The following LANCL1 variants were observed in gnomAD, a reference collection of about 807,000 sequenced individuals.
The protein encoded by LANCL1 is glutathione S-transferase LANCL1.
LANCL1 carries 50 observed loss-of-function variants against 50.6 expected under a neutral mutation model. The ratio of observed to expected loss-of-function variants is 0.99; its 90% CI spans 0.79 to 1.25. LANCL1 has a LOEUF of 1.25. Ranked by LOEUF, LANCL1 falls within the 50% of genes most tolerant of loss-of-function variation. The pLI, the probability that LANCL1 is intolerant of heterozygous loss-of-function variation, is 0.00. For missense variants in LANCL1, 532 were observed against 480.7 expected, an observed-to-expected ratio of 1.11 and a Z score of -1.00; for synonymous variants, 188 against 178.6, an observed-to-expected ratio of 1.05 and a Z score of -0.42.
chr2:210,461,484 A>AT (rs1693858098), intron 3 of LANCL1, among the ~76,000 whole-genome samples: 1 of 152,166 alleles, frequency 6.6e-6, no homozygotes, highest in Non-Finnish European at 1.5e-5. Flanking sequence ...GCAGTAACTA[A>AT]TACCCACATG....
Position 210,437,784 on chromosome 2 carries a change from T to A in LANCL1, c.779A>T (p.Asn260Ile), listed in dbSNP as rs55953221. 7.4e-6 allele frequency: 12 copies of A among 1,613,368 alleles called. No homozygotes were observed. The highest frequency in any genetic ancestry group is 1.3e-5 in the African/African-American group (1 of 74,884). ...ATTATCACCTATACATGGAGGGTAA[T>A]TGCCAGAAGGGAATTTCAGCTGGCA... Reference protein sequence around the residue: ...YVCQLKFPSGNYPPCIGDNRD... With the variant: ...YVCQLKFPSGIYPPCIGDNRD... The change falls in exon 7 of 10, where the codon AAT (asparagine) becomes ATT (isoleucine). Residue 260 changes from asparagine to isoleucine, a missense_variant. Coordinates refer to ENST00000450366, the MANE Select transcript of LANCL1 (RefSeq NM_006055.3).
intron 4 of LANCL1, among the ~76,000 whole-genome samples, chr2:210,452,481 T>C (rs1206251396): frequency 6.6e-6 from 1 of 152,124 alleles, no homozygotes; most frequent in Non-Finnish European, 1.5e-5. Flanking sequence ...ATTAATGCAA[T>C]GTATTGTCCT....
At chr2:210,454,102 G>A (rs1341035669) in intron 4 of LANCL1, among the ~76,000 whole-genome samples, 2 of 152,038 alleles carry the variant, frequency 1.3e-5, no homozygotes, top group African/African-American at 4.8e-5. Context: ...ATCATTTTGG[G>A]TGGAGCAAGA....
intron 3 of LANCL1, among the ~76,000 whole-genome samples, chr2:210,466,154 C>G (rs1392104064): frequency 6.6e-6 from 1 of 152,076 alleles, no homozygotes; most frequent in Non-Finnish European, 1.5e-5. Context: ...TAGGGACTGC[C>G]TTTTAAAGTT....
At chr2:210,469,776 A>C (rs988873829) in intron 3 of LANCL1, among the ~76,000 whole-genome samples, 3 of 152,202 alleles carry the variant, frequency 2.0e-5, no homozygotes, top group Non-Finnish European at 4.4e-5. Flanking sequence ...TGGGTTCTCA[A>C]CTAGCCCTAG....
chr2:210,476,333 A>G lies in LANCL1; in HGVS notation c.64T>C (p.Phe22Leu). Residue 22 changes from phenylalanine (F) to leucine (L), a missense_variant, in exon 2 of 10, where the codon TTT (phenylalanine) becomes CTT (leucine). Phe to Leu is a conservative substitution (Grantham distance 22, BLOSUM62 0). Transcript: ENST00000450366. The stretch of plus-strand genomic sequence containing the variant: ...AAACTCACCCTCCCGGCAGCATCAA[A>G]GTAGCCTTCGGCCAGGGATTTGTTA... Reference protein sequence around the residue: ...DYNKSLAEGYFDAAGRLTPEF... With the variant: ...DYNKSLAEGYLDAAGRLTPEF... 1 of 1,613,886 alleles carries G rather than the reference A, an allele frequency of 6.2e-7. No individual in the cohort carries two copies. The highest frequency in any genetic ancestry group is 8.5e-7 in the Non-Finnish European group (1 of 1,179,788).
In LANCL1 at chr2:210,431,918, CAT is replaced by C. The variant is rs1227737985; in HGVS notation, c.*2567_*2568del. The C allele has an allele frequency of 2.0e-5, 3 of 152,164 alleles. No individual in the cohort carries two copies. The highest frequency in any genetic ancestry group is 4.8e-5 in the African/African-American group (2 of 41,436). The allele number at this position is 152,164 out of a possible 1,614,324, so 9.4% of individuals were successfully genotyped here. A position where few individuals can be genotyped will look rare whatever the true frequency, so the allele number is the denominator to read the frequency against. ...TTCTAAATTACTATAGAAACAGAAACATGTGACAGGATAAATGAACACTGCTT... is the reference window on the plus strand; with the variant it reads ...TTCTAAATTACTATAGAAACAGAAACGTGACAGGATAAATGAACACTGCTT... On this transcript the variant is annotated 3_prime_UTR_variant, in exon 10 of 10. Coordinates refer to ENST00000450366, the MANE Select transcript of LANCL1 (RefSeq NM_006055.3).
intron 6 of LANCL1, among the ~76,000 whole-genome samples, chr2:210,438,653 G>T (rs577592448): frequency 6.6e-6 from 1 of 152,220 alleles, no homozygotes; most frequent in East Asian, 1.9e-4. Context: ...ATAGAAAAAG[G>T]ATACTAACAA....
At chr2:210,467,036 C>T (rs4263061) in intron 3 of LANCL1, among the ~76,000 whole-genome samples, 2,520 of 152,188 alleles carry the variant, frequency 0.017, 55 homozygotes, top group Middle Eastern at 0.055. Flanking sequence ...GAGGAATTAA[C>T]AGAAAGCAAC....
At chr2:210,454,221 C>CAT (rs1416848558) in intron 4 of LANCL1, among the ~76,000 whole-genome samples, 1 of 1,204 alleles carries the variant, frequency 8.3e-4, no homozygotes, top group Non-Finnish European at 1.3e-3. Flanking sequence ...TGCATACATA[C>CAT]ACACACACAC....
rs752147772 is a variant in LANCL1, at chr2:210,437,763, T to C, written c.800A>G (p.Asp267Gly). The change falls in exon 7 of 10, where the codon GAT becomes GGT. Residue 267 changes from aspartate to glycine, a missense_variant. Asp to Gly is a moderately conservative substitution (Grantham distance 94). Coordinates refer to ENST00000450366, the MANE Select transcript of LANCL1 (RefSeq NM_006055.3). Reference sequence around the variant, plus strand: ...CCAATGGACAAGCAGATCTCGATTATCACCTATACATGGAGGGTAATTGCC... The same window carrying C: ...CCAATGGACAAGCAGATCTCGATTACCACCTATACATGGAGGGTAATTGCC... ...PSGNYPPCIG[D>G]NRDLLVHWCH... The C allele has an allele frequency of 2.4e-5, 38 of 1,612,788 alleles. No homozygotes were observed. The Admixed American group carries it at 5.0e-4, about 21-fold the overall frequency.
intron 3 of LANCL1, among the ~76,000 whole-genome samples, chr2:210,463,974 T>C (rs1693958238): frequency 6.6e-6 from 1 of 152,212 alleles, no homozygotes; most frequent in Admixed American, 6.5e-5. Context: ...AACCAATCTC[T>C]TCACTATTTC....
chr2:210,434,432 G>C lies in LANCL1; in HGVS notation c.*55C>G. ...GAAAGCAACGGAAGCACTTAGCTTG[G>C]GTTTGAATATACAGAAAGGGTCATG... is the stretch of plus-strand genomic sequence containing the variant. On this transcript the variant is annotated 3_prime_UTR_variant, in exon 10 of 10. Coordinates refer to ENST00000450366, the MANE Select transcript of LANCL1 (RefSeq NM_006055.3). 7.3e-7 allele frequency: 1 copy of C among 1,372,402 alleles called. No homozygotes were observed. Among genetic ancestry groups the C allele is most frequent in the Non-Finnish European group, 1.0e-6 (1 of 974,230 alleles). 85.0% of individuals were successfully genotyped at this position (1,372,402 alleles called of 1,614,324 possible). A position where few individuals can be genotyped will look rare whatever the true frequency, so the allele number is the denominator to read the frequency against.
chr2:210,440,164 T>C (rs972376375), intron 6 of LANCL1, among the ~76,000 whole-genome samples: 1 of 152,214 alleles, frequency 6.6e-6, no homozygotes, highest in African/African-American at 2.4e-5. Context: ...TAAGTGAGCA[T>C]TAGGCAACAA....
intron 3 of LANCL1, among the ~76,000 whole-genome samples, chr2:210,458,211 C>T (rs1693726245): frequency 6.6e-6 from 1 of 152,084 alleles, no homozygotes; most frequent in Non-Finnish European, 1.5e-5. Flanking sequence ...CCATGGATTG[C>T]CTACTTACAT....
At chr2:210,465,537 C>G (rs1174408800) in intron 3 of LANCL1, among the ~76,000 whole-genome samples, 1 of 152,168 alleles carries the variant, frequency 6.6e-6, no homozygotes, top group Non-Finnish European at 1.5e-5. Context: ...GCAGCAGGCA[C>G]AAAAACCTTG....
intron 3 of LANCL1, among the ~76,000 whole-genome samples, chr2:210,461,825 T>C (rs1390446230): frequency 3.3e-5 from 5 of 152,114 alleles, no homozygotes; most frequent in African/African-American, 1.2e-4. Context: ...AAAAATGAAA[T>C]AAGGGCTAGC....
At chr2:210,470,143 T>C (rs1314234947) in intron 3 of LANCL1, among the ~76,000 whole-genome samples, 3 of 152,324 alleles carry the variant, frequency 2.0e-5, no homozygotes, top group South Asian at 2.1e-4. Flanking sequence ...TTTAAATAAA[T>C]AGTAATGTTC....
At chr2:210,477,095 G>C (rs991444916), upstream of LANCL1, among the ~76,000 whole-genome samples, 1 of 151,526 alleles carries the variant, frequency 6.6e-6, no homozygotes, top group Admixed American at 6.6e-5. Context: ...ATTTGGCGGG[G>C]GGTGGGGGGA....
Sources: allele counts gnomAD v4.1 joint callset (sites outside exome capture counted in the v4.1 genomes callset), GRCh38; gene constraint gnomAD v4.1.1; transcripts MANE v1.5; gene names NCBI Gene and HGNC (gene_info 2026-07-23, HGNC 2026-07-21).